Variants in ZFHX3 observed in about 807,000 individuals in gnomAD.
ZFHX3 encodes zinc finger homeobox protein 3.
Under a neutral mutation model 279.1 loss-of-function variants are expected in ZFHX3, and 42 were observed. The observed-to-expected ratio is 0.15, with a 90% CI of 0.12 to 0.19. The LOEUF (loss-of-function observed/expected upper bound fraction) is 0.19, where lower values mean the gene tolerates loss of function less well. Among genes scored for constraint, ZFHX3 ranks in the 10% least tolerant of loss-of-function variants. The probability of loss-of-function intolerance (pLI) is 1.00; values close to 1 mark genes in which losing one functional copy is unlikely to be tolerated. For synonymous variants in ZFHX3, 2,293 were observed against 1,957.8 expected, an observed-to-expected ratio of 1.17 and a Z score of -4.52; for missense variants, 4,981 against 4,754.0, an observed-to-expected ratio of 1.05 and a Z score of -1.40.
intron 1 of ZFHX3, among the ~76,000 whole-genome samples, chr16:73,031,828 A>C (rs1026279901): frequency 6.6e-6 from 1 of 152,140 alleles, no homozygotes; most frequent in Non-Finnish European, 1.5e-5. Context: ...AGGAGAGGGC[A>C]GAGGTGTGGA....
At chr16:73,115,747 A>G (rs1966424902) in intron 7 of ZFHX3, among the ~76,000 whole-genome samples, 1 of 152,194 alleles carries the variant, frequency 6.6e-6, no homozygotes, top group African/African-American at 2.4e-5. Flanking sequence ...AGGAAACTGA[A>G]GCTTAGTGAG....
In ZFHX3 at chr16:73,040,764, T is replaced by C. The variant is rs144485628; in HGVS notation, c.-50+6988A>G. On this transcript the variant is annotated intron_variant, in intron 1 of 9. Transcript: ENST00000268489. ...AGCAAAGAAAGAAATGAAAAGGGCGTGGAGATGGCAGCCAATATCCGGAGA... is the reference window on the plus strand; with the variant it reads ...AGCAAAGAAAGAAATGAAAAGGGCGCGGAGATGGCAGCCAATATCCGGAGA... Among the ~76,000 whole-genome samples, 4 of 152,294 alleles carry C rather than the reference T, an allele frequency of 2.6e-5. No homozygotes were observed. The East Asian group carries it at 7.7e-4, about 29-fold the overall frequency.
In ZFHX3 at chr16:73,592,038, C is replaced by T. The variant is rs1412545909; in HGVS notation, c.-1547+88142G>A. ...CCTGAGGTCGGGAGTTCAAGACCAG[C>T]CTGGCCAACATGGTGAAACCCTGTC... On this transcript the variant is annotated intron_variant, in intron 2 of 17. Transcript: ENST00000641206. Among the ~76,000 whole-genome samples the T allele has an allele frequency of 3.3e-5, 5 of 151,590 alleles. No individual in the cohort carries two copies. In the East Asian group the frequency reaches 9.7e-4, roughly 29 times the overall value.
At position 73,067,204 on chromosome 16, in the gene ZFHX3, A is replaced by C. The variant is rs556427832; in HGVS notation, c.-532-8192T>G. On this transcript the variant is annotated intron_variant, in intron 8 of 17. Coordinates refer to the ZFHX3 transcript ENST00000641206. ...CCCTCTCATTCTGTCTGGGAAGAAA[A>C]AAGAAAGCGGGCAGATTTGAGCCGA... Among the ~76,000 whole-genome samples, 9 of 152,248 alleles carry C rather than the reference A, an allele frequency of 5.9e-5. No homozygotes were observed. The South Asian group carries it at 1.5e-3, about 25-fold the overall frequency.
intron 3 of ZFHX3, among the ~76,000 whole-genome samples, chr16:72,911,032 G>C (rs1434703078): frequency 6.6e-6 from 1 of 152,180 alleles, no homozygotes. Context: ...TTCCTCGGCT[G>C]GGGTTTGTCA....
chr16:73,135,144 T>A (rs1188930212), intron 6 of ZFHX3, among the ~76,000 whole-genome samples: 2 of 152,212 alleles, frequency 1.3e-5, no homozygotes, highest in African/African-American at 4.8e-5. Context: ...ATAAGCATAC[T>A]CTTAAATAAC....
At chr16:73,490,295 G>C (rs1459263549) in intron 2 of ZFHX3, among the ~76,000 whole-genome samples, 1 of 152,190 alleles carries the variant, frequency 6.6e-6, no homozygotes, top group Non-Finnish European at 1.5e-5. Context: ...TATTCCCAAA[G>C]ATGGGAAGCT....
intron 2 of ZFHX3, among the ~76,000 whole-genome samples, chr16:73,572,103 C>T (rs1484166176): frequency 6.7e-6 from 1 of 150,138 alleles, no homozygotes; most frequent in Non-Finnish European, 1.5e-5. Context: ...GAATAATTCC[C>T]TAATGCCACT....
At chr16:72,816,153 C>T (rs1567530461) in intron 5 of ZFHX3, among the ~76,000 whole-genome samples, 4 of 152,142 alleles carry the variant, frequency 2.6e-5, no homozygotes, top group African/African-American at 9.7e-5. Context: ...AAGTTTTTCA[C>T]ATAGTCATTT....
Position 72,795,802 on chromosome 16 carries a change from G to T in ZFHX3, c.6880C>A (p.Arg2294=), listed in dbSNP as rs754909365. 20 of 1,613,952 alleles carry T rather than the reference G, an allele frequency of 1.2e-5. 1 individual carries two copies. The South Asian group carries it at 2.1e-4, about 17-fold the overall frequency. The part of the protein sequence containing the change: ...RVIVVWFQNA[R]QKARKNYENQ... ...TCATAATTCTTCCTGGCCTTCTGTC[G>T]GGCATTCTGAAACCACACCACTATC... Residue 2294 remains arginine (R), a synonymous_variant, in exon 9 of 10, where the codon CGA becomes AGA. Transcript: ENST00000268489.
chr16:73,331,237 A>G lies in ZFHX3; in HGVS notation c.-1290-12901T>C, dbSNP rs888521386. Reference sequence around the variant, plus strand: ...GAGAACTCACTATCATGAGAACAGCATGGAGGAACCGCCCCCATAATCTAA... The same window carrying G: ...GAGAACTCACTATCATGAGAACAGCGTGGAGGAACCGCCCCCATAATCTAA... On this transcript the variant is annotated intron_variant, in intron 3 of 17. Coordinates refer to the ZFHX3 transcript ENST00000641206. Among the ~76,000 whole-genome samples, 4 of 152,166 alleles carry G rather than the reference A, an allele frequency of 2.6e-5. No individual in the cohort carries two copies. In the South Asian group the frequency reaches 8.3e-4, roughly 32 times the overall value.
In ZFHX3 at chr16:73,310,722, C is replaced by A. The variant is rs186740520; in HGVS notation, c.-1194+7518G>T. On this transcript the variant is annotated intron_variant, in intron 4 of 17. Coordinates refer to the ZFHX3 transcript ENST00000641206. ...CTCAATGAAGCATTATTTATAACAG[C>A]AAAATTCTGGAAATAATCCTCATTT... Among the ~76,000 whole-genome samples the A allele has an allele frequency of 2.3e-4, 35 of 152,212 alleles. 1 individual carries two copies. The highest frequency in any genetic ancestry group is 3.4e-3 in the Middle Eastern group (1 of 294).
chr16:73,584,790 A>C (rs1170178080), intron 2 of ZFHX3, among the ~76,000 whole-genome samples: 1 of 152,174 alleles, frequency 6.6e-6, no homozygotes, highest in Non-Finnish European at 1.5e-5. Flanking sequence ...CAACCATGAG[A>C]GAGAACAGAC....
chr16:73,574,937 C>T (rs1235923450), intron 2 of ZFHX3, among the ~76,000 whole-genome samples: 5 of 152,204 alleles, frequency 3.3e-5, no homozygotes, highest in South Asian at 2.1e-4. Flanking sequence ...CCACCGACGA[C>T]GTTCTACTCA....
intron 1 of ZFHX3, among the ~76,000 whole-genome samples, chr16:73,783,498 C>G (rs180916505): frequency 6.6e-6 from 1 of 152,202 alleles, no homozygotes; most frequent in East Asian, 1.9e-4. Context: ...AGGTGGACAA[C>G]AGTCAAAATT....
chr16:72,788,608 T>C lies in ZFHX3; in HGVS notation c.9668A>G (p.Gln3223Arg). 6.2e-7 allele frequency: 1 copy of C among 1,613,418 alleles called. No homozygotes were observed. Among genetic ancestry groups the C allele is most frequent in the Non-Finnish European group, 8.5e-7 (1 of 1,179,766 alleles). The change falls in exon 10 of 10, where the codon CAG becomes CGG. Residue 3223 changes from glutamine to arginine, a missense_variant. Gln to Arg is a conservative substitution (Grantham distance 43, BLOSUM62 1). This residue lies in a region of ZFHX3 where 1,034 missense variants were observed against 786.0 expected (regional missense o/e 1.32). Coordinates refer to ENST00000268489, the MANE Select transcript of ZFHX3 (RefSeq NM_006885.4). ...TTGCTGCTGCTGTTGCAGTGGGAGC[T>C]GTGGTGTGGGTGGCGGCTGGGCTGC... Reference protein sequence around the residue: ...PPAAQPPPTPQLPLQQQQQRK... With the variant: ...PPAAQPPPTPRLPLQQQQQRK...
At chr16:73,183,991 G>C (rs1478200279) in intron 5 of ZFHX3, among the ~76,000 whole-genome samples, 1 of 152,180 alleles carries the variant, frequency 6.6e-6, no homozygotes, top group Non-Finnish European at 1.5e-5. Flanking sequence ...GCATGAATCT[G>C]TAAAGAGCAG....
chr16:73,831,413 G>GT (rs1375808627), intron 1 of ZFHX3, among the ~76,000 whole-genome samples: 1 of 152,156 alleles, frequency 6.6e-6, no homozygotes, highest in Non-Finnish European at 1.5e-5. Flanking sequence ...TAGTGCTATC[G>GT]TTTATTAGAG....
intron 2 of ZFHX3, chr16:73,486,637 A>G (rs1431403235): frequency 2.9e-6 from 1 of 343,404 alleles, no homozygotes; most frequent in African/African-American, 2.1e-5. Context: ...CCAAACACCA[A>G]AATTAACTGG....
Sources: gnomAD v4.1 joint callset for allele counts (sites outside exome capture counted in the v4.1 genomes callset) on GRCh38, gnomAD v4.1.1 for gene constraint, gnomAD v4.1.1 regional missense constraint, MANE v1.5 for transcripts, NCBI Gene and HGNC (gene_info 2026-07-23, HGNC 2026-07-21) for gene names.